Variants in CEP126 observed in about 807,000 individuals in gnomAD.
CEP126 encodes the protein centrosomal protein of 126 kDa.
A neutral mutation model predicts 107.8 loss-of-function variants in CEP126; 74 were observed. That is an observed-to-expected ratio of 0.69 (90% CI 0.57 to 0.83). CEP126 has a LOEUF of 0.83. Among genes scored for constraint, CEP126 ranks in the 40% least tolerant of loss-of-function variants. CEP126 has a pLI of 0.00. For missense variants in CEP126, 1,237 were observed against 1,281.9 expected, an observed-to-expected ratio of 0.96 and a Z score of 0.53; for synonymous variants, 449 against 446.0, an observed-to-expected ratio of 1.01 and a Z score of -0.08.
chr11:101,946,643 T>C (rs4363558), intron 3 of CEP126, among the ~76,000 whole-genome samples: 82,700 of 151,814 alleles, frequency 0.54, 23,217 homozygotes, highest in East Asian at 0.78. Flanking sequence ...GGTGGACCAC[T>C]GAGGTTGGGA....
chr11:101,983,851 T>C (rs917821201), intron 8 of CEP126, among the ~76,000 whole-genome samples: 2 of 152,238 alleles, frequency 1.3e-5, no homozygotes, highest in African/African-American at 4.8e-5. Context: ...CAAAAGCTTG[T>C]GTCCTCACTG....
intron 2 of CEP126, among the ~76,000 whole-genome samples, chr11:101,934,620 A>G (rs1190834058): frequency 2.6e-5 from 4 of 152,032 alleles, no homozygotes; most frequent in Non-Finnish European, 4.4e-5. Flanking sequence ...CTTGCAGTCA[A>G]TCTCTGCCCT....
intron 6 of CEP126, among the ~76,000 whole-genome samples, chr11:101,975,473 G>A (rs533936873): frequency 2.6e-5 from 4 of 152,298 alleles, no homozygotes; most frequent in African/African-American, 9.6e-5. Context: ...TTAGATTTTA[G>A]AGCCCAACTA....
At chr11:101,982,023 T>C in intron 8 of CEP126, 59 bp downstream of exon 8, 2 of 914,562 alleles carry the variant, frequency 2.2e-6, no homozygotes, top group Non-Finnish European at 3.4e-6. Flanking sequence ...TTTTTTCTTG[T>C]ATGCCTATTC....
chr11:101,995,921 C>T (rs1164267308), intron 10 of CEP126, among the ~76,000 whole-genome samples: 4 of 152,196 alleles, frequency 2.6e-5, no homozygotes, highest in African/African-American at 7.2e-5. Context: ...TCTAAAAATA[C>T]ATCATGAGCA....
intron 2 of CEP126, among the ~76,000 whole-genome samples, chr11:101,924,078 T>G (rs901123205): frequency 6.6e-5 from 10 of 152,346 alleles, no homozygotes; most frequent in African/African-American, 2.4e-4. Flanking sequence ...ATTTGTATTC[T>G]CTCATCAAAT....
chr11:101,924,514 G>A (rs1312785210), intron 2 of CEP126, among the ~76,000 whole-genome samples: 8 of 152,010 alleles, frequency 5.3e-5, no homozygotes, highest in Admixed American at 2.0e-4. Context: ...CACTCAGGCT[G>A]GAGTACAGGG....
chr11:101,915,043 G>A lies in CEP126; in HGVS notation c.-242G>A, dbSNP rs1022343088. The A allele has an allele frequency of 8.5e-6, 4 of 472,344 alleles. No individual in the cohort carries two copies. The highest frequency in any genetic ancestry group is 2.0e-5 in the African/African-American group (1 of 50,446). The allele number at this position is 472,344 out of a possible 1,614,324, so 29.3% of individuals were successfully genotyped here. A position where few individuals can be genotyped will look rare whatever the true frequency, so the allele number is the denominator to read the frequency against. On this transcript the variant is annotated 5_prime_UTR_variant, in exon 1 of 11. Coordinates refer to ENST00000263468, the MANE Select transcript of CEP126 (RefSeq NM_020802.4). ...GGTTGTTGTCAAGATGGCGGCTGCAGGGTTGCTGCCGCCCCATCTGCTATT... is the reference window on the plus strand; with the variant it reads ...GGTTGTTGTCAAGATGGCGGCTGCAAGGTTGCTGCCGCCCCATCTGCTATT...
intron 4 of CEP126, among the ~76,000 whole-genome samples, chr11:101,955,102 A>G (rs1940867181): frequency 6.6e-6 from 1 of 152,212 alleles, no homozygotes; most frequent in Admixed American, 6.5e-5. Flanking sequence ...AAAAAAATAT[A>G]TGATAAAGTG....
At chr11:101,934,990 G>A in intron 2 of CEP126, among the ~76,000 whole-genome samples, 1 of 151,982 alleles carries the variant, frequency 6.6e-6, no homozygotes, top group Non-Finnish European at 1.5e-5. Flanking sequence ...TTTTCCAAAA[G>A]GGCTGACCTT....
chr11:101,983,538 A>G (rs1941281307), intron 8 of CEP126, among the ~76,000 whole-genome samples: 1 of 152,236 alleles, frequency 6.6e-6, no homozygotes. Flanking sequence ...TGAATATTCA[A>G]CAGGCTGGTT....
chr11:101,987,968 A>T (rs1431847209), intron 9 of CEP126, among the ~76,000 whole-genome samples: 5 of 130,696 alleles, frequency 3.8e-5, no homozygotes, highest in South Asian at 6.0e-4. Flanking sequence ...GCCTACAATT[A>T]AAAAAAAAGT....
At chr11:101,915,642 C>T (rs1349069447) in intron 1 of CEP126, among the ~76,000 whole-genome samples, 1 of 152,178 alleles carries the variant, frequency 6.6e-6, no homozygotes, top group Non-Finnish European at 1.5e-5. Context: ...TACTCCCATT[C>T]TTCAACTTTG....
intron 10 of CEP126, 26 bp from the exon 11 acceptor site, chr11:101,997,573 G>T: frequency 6.2e-7 from 1 of 1,613,958 alleles, no homozygotes. Context: ...GTGTTTGCAT[G>T]CTTGTTTCTT....
At chr11:101,940,998 G>GTGCTTGACACGTGATTTTATC (rs1301378556) in intron 2 of CEP126, among the ~76,000 whole-genome samples, 1 of 152,140 alleles carries the variant, frequency 6.6e-6, no homozygotes, top group Non-Finnish European at 1.5e-5. Flanking sequence ...TACCATAGGA[G>GTGCTTGACACGTGATTTTATC]TGCTTGACAC....
intron 3 of CEP126, among the ~76,000 whole-genome samples, chr11:101,946,427 G>T (rs116467079): frequency 0.023 from 3,458 of 152,128 alleles, 85 homozygotes; most frequent in African/African-American, 0.058. Context: ...AGGGTTGCTT[G>T]AGCCAAGGAA....
At chr11:101,974,813 A>G (rs1941174286) in intron 6 of CEP126, among the ~76,000 whole-genome samples, 1 of 152,226 alleles carries the variant, frequency 6.6e-6, no homozygotes, top group South Asian at 2.1e-4. Flanking sequence ...GTATGTGAAT[A>G]GAAAAATACA....
In CEP126 at chr11:101,999,376, A is replaced by C. The variant is rs1591299944; in HGVS notation, c.*1733A>C. On this transcript the variant is annotated 3_prime_UTR_variant, in exon 11 of 11. Coordinates refer to ENST00000263468, the MANE Select transcript of CEP126 (RefSeq NM_020802.4). Reference sequence around the variant, plus strand: ...GTACACAGCAGCATCCTGCATGCCAAAGTAGCTTCACCGTTAGTAATCCCT... The same window carrying C: ...GTACACAGCAGCATCCTGCATGCCACAGTAGCTTCACCGTTAGTAATCCCT... 2 of 151,940 alleles carry C rather than the reference A, an allele frequency of 1.3e-5. No individual in the cohort carries two copies. The highest frequency in any genetic ancestry group is 1.9e-4 in the East Asian group (1 of 5,184). 9.4% of individuals were successfully genotyped at this position (151,940 alleles called of 1,614,324 possible).
chr11:101,949,650 T>C (rs970846225), intron 4 of CEP126, among the ~76,000 whole-genome samples: 2 of 151,904 alleles, frequency 1.3e-5, no homozygotes, highest in African/African-American at 2.4e-5. Flanking sequence ...GGAAAAAAAA[T>C]AGTTTACAGA....
Sources: allele counts gnomAD v4.1 joint callset (sites outside exome capture counted in the v4.1 genomes callset), GRCh38; gene constraint gnomAD v4.1.1; transcripts MANE v1.5; gene names NCBI Gene and HGNC (gene_info 2026-07-23, HGNC 2026-07-21).